Variants in CABLES1 observed in about 807,000 individuals in gnomAD.
The protein encoded by CABLES1 is Cdk5 and Abl enzyme substrate 1, also known as CDK5 and ABL1 enzyme substrate 1.
CABLES1 carries 36 observed loss-of-function variants against 57.8 expected under a neutral mutation model. The ratio of observed to expected loss-of-function variants is 0.62; its 90% CI spans 0.48 to 0.82. The LOEUF is 0.82. Among genes scored for constraint, CABLES1 ranks in the 40% least tolerant of loss-of-function variants. The pLI is 0.00. For missense variants in CABLES1, 767 were observed against 836.6 expected, an observed-to-expected ratio of 0.92 and a Z score of 1.03; for synonymous variants, 374 against 363.0, an observed-to-expected ratio of 1.03 and a Z score of -0.35.
At position 23,252,983 on chromosome 18, in the gene CABLES1, G is replaced by A; in HGVS notation, c.1470G>A (p.Lys490=). The change falls in exon 8 of 10, where the codon AAG becomes AAA. Residue 490 remains lysine (K), a synonymous_variant. Transcript: ENST00000256925. ...AGACAACAGTGATTGACTACGTGAA[G>A]CCCTCGGATCTCAAGAAGGACATGA... ...SYMTTVIDYV[K]PSDLKKDMNE... is the part of the protein sequence containing the mutation. The A allele has an allele frequency of 1.2e-6, 2 of 1,613,052 alleles. No individual in the cohort carries two copies. Among genetic ancestry groups the A allele is most frequent in the Non-Finnish European group, 1.7e-6 (2 of 1,179,086 alleles).
Position 23,136,296 on chromosome 18 carries a change from G to T in CABLES1, c.534G>T (p.Glu178Asp). ...SPLGAGRASG[E>D]QWQPPRPAPL... is the part of the protein sequence containing the mutation. ...TGGGCGCCGGCCGGGCGTCGGGGGA[G>T]CAGTGGCAGCCGCCCCGGCCGGCGC... The change falls in exon 1 of 10, where the codon GAG becomes GAT. Residue 178 changes from glutamate (E) to aspartate (D), a missense_variant. Physicochemically the swap from Glu to Asp is conservative, Grantham distance 45 (BLOSUM62 2). Coordinates refer to ENST00000256925, the MANE Select transcript of CABLES1 (RefSeq NM_001100619.3). 7.2e-7 allele frequency: 1 copy of T among 1,389,600 alleles called. No individual in the cohort carries two copies. The allele number at this position is 1,389,600 out of a possible 1,614,324, so 86.1% of individuals were successfully genotyped here. A position where few individuals can be genotyped will look rare whatever the true frequency, so the allele number is the denominator to read the frequency against.
At chr18:23,148,380 T>A (rs1342960072) in intron 1 of CABLES1, among the ~76,000 whole-genome samples, 1 of 152,148 alleles carries the variant, frequency 6.6e-6, no homozygotes. Flanking sequence ...AGTTGGGTGC[T>A]ACGTGGGTGC....
chr18:23,184,497 G>A (rs937884492), intron 1 of CABLES1, among the ~76,000 whole-genome samples: 3 of 152,172 alleles, frequency 2.0e-5, no homozygotes, highest in Admixed American at 2.0e-4. Flanking sequence ...GAGACCAGTA[G>A]TTCGAGACCT....
intron 7 of CABLES1, among the ~76,000 whole-genome samples, chr18:23,246,160 A>C (rs894143125): frequency 3.3e-5 from 5 of 151,856 alleles, no homozygotes; most frequent in Non-Finnish European, 5.9e-5. Context: ...GCTACTCAGG[A>C]GGCTGAGGCA....
chr18:23,183,095 C>G (rs61480056), intron 1 of CABLES1, among the ~76,000 whole-genome samples: 13,293 of 152,266 alleles, frequency 0.087, 1,161 homozygotes, highest in Admixed American at 0.23. Flanking sequence ...GGGCCTGCGT[C>G]CCCTCATCAG....
At chr18:23,178,026 G>C (rs953497489) in intron 1 of CABLES1, among the ~76,000 whole-genome samples, 3 of 152,178 alleles carry the variant, frequency 2.0e-5, no homozygotes, top group African/African-American at 7.2e-5. Context: ...GCGCATTTCT[G>C]TCTAGGGTGA....
intron 1 of CABLES1, among the ~76,000 whole-genome samples, chr18:23,148,135 G>A (rs915039549): frequency 2.2e-4 from 34 of 151,872 alleles, no homozygotes; most frequent in Non-Finnish European, 8.8e-5. Flanking sequence ...GACTACAGGC[G>A]CCCGCCACCA....
At chr18:23,171,461 C>T (rs2047081763) in intron 1 of CABLES1, among the ~76,000 whole-genome samples, 1 of 152,216 alleles carries the variant, frequency 6.6e-6, no homozygotes, top group Non-Finnish European at 1.5e-5. Flanking sequence ...TTGAGCCTTG[C>T]CATGGTCTGC....
chr18:23,146,340 G>C (rs1331261684), intron 1 of CABLES1, among the ~76,000 whole-genome samples: 1 of 151,844 alleles, frequency 6.6e-6, no homozygotes, highest in Admixed American at 6.6e-5. Flanking sequence ...GTCTTGCTCT[G>C]TCGCCCAGGC....
At chr18:23,194,721 A>G (rs549292773) in intron 3 of CABLES1, among the ~76,000 whole-genome samples, 181 bp downstream of exon 3, 2 of 152,206 alleles carry the variant, frequency 1.3e-5, no homozygotes, top group Non-Finnish European at 2.9e-5. Context: ...ACCAAAAGCA[A>G]TCTGTAGAGA....
At position 23,228,603 on chromosome 18, in the gene CABLES1, C is replaced by G. The variant is rs561263947; in HGVS notation, c.1089-6005C>G. ...TTCTGCTCATTGCTTAACGGTATAA[C>G]TGCTGCTTGGCTGTCTCCCCAAATG... On this transcript the variant is annotated intron_variant, in intron 4 of 9. Coordinates refer to ENST00000256925, the MANE Select transcript of CABLES1 (RefSeq NM_001100619.3). Among the ~76,000 whole-genome samples the G allele has an allele frequency of 2.0e-5, 3 of 152,248 alleles. No individual in the cohort carries two copies. In the East Asian group the frequency reaches 5.8e-4, roughly 29 times the overall value.
At chr18:23,165,318 A>C (rs1335403527) in intron 1 of CABLES1, among the ~76,000 whole-genome samples, 1 of 152,086 alleles carries the variant, frequency 6.6e-6, no homozygotes, top group Middle Eastern at 3.2e-3. Flanking sequence ...GGCTGGTCTC[A>C]AGCTCCTGGC....
intron 1 of CABLES1, among the ~76,000 whole-genome samples, chr18:23,177,063 C>T (rs1016945207): frequency 1.3e-5 from 2 of 152,132 alleles, no homozygotes; most frequent in African/African-American, 4.8e-5. Context: ...CCCTCGCCTT[C>T]TTCAAATCCC....
chr18:23,191,080 C>CAAAAA (rs10636287), intron 2 of CABLES1, among the ~76,000 whole-genome samples: 9 of 63,530 alleles, frequency 1.4e-4, no homozygotes, highest in Admixed American at 4.5e-4. Flanking sequence ...CCCATCTCTA[C>CAAAAA]AAAAAAAAAA....
intron 3 of CABLES1, chr18:23,197,336 C>T (rs191360027): frequency 6.6e-6 from 1 of 152,338 alleles, no homozygotes; most frequent in East Asian, 1.9e-4. Context: ...AAATCCCAGC[C>T]GGCATGCAAA....
At chr18:23,156,086 T>A in intron 1 of CABLES1, 1 of 1,026,342 alleles carries the variant, frequency 9.7e-7, no homozygotes. Context: ...ATGTCAGTCC[T>A]GATGTGGGCC....
At chr18:23,173,211 A>G (rs1023007064) in intron 1 of CABLES1, among the ~76,000 whole-genome samples, 1 of 152,162 alleles carries the variant, frequency 6.6e-6, no homozygotes, top group Non-Finnish European at 1.5e-5. Flanking sequence ...GCATCTGTCG[A>G]TGTGCTGAGC....
At chr18:23,219,056 C>CAAGT in intron 4 of CABLES1, 1 of 391,804 alleles carries the variant, frequency 2.6e-6, no homozygotes, top group South Asian at 1.8e-5. Flanking sequence ...CACCCCCCCG[C>CAAGT]AAGTGCCTTG....
intron 4 of CABLES1, among the ~76,000 whole-genome samples, chr18:23,217,077 G>C (rs948003903): frequency 2.0e-5 from 3 of 151,836 alleles, no homozygotes; most frequent in Admixed American, 6.6e-5. Flanking sequence ...TTTTTGTTTT[G>C]TTTTTTGTTT....
Sources: gnomAD v4.1 joint callset for allele counts (sites outside exome capture counted in the v4.1 genomes callset) on GRCh38, gnomAD v4.1.1 for gene constraint, MANE v1.5 for transcripts, NCBI Gene and HGNC (gene_info 2026-07-23, HGNC 2026-07-21) for gene names.